The following EHMT1 variants were observed in gnomAD, a reference collection of about 807,000 sequenced individuals.
The protein encoded by EHMT1 is euchromatic histone lysine methyltransferase 1.
A neutral mutation model predicts 147.2 loss-of-function variants in EHMT1; 15 were observed. The ratio of observed to expected loss-of-function variants is 0.10; its 90% CI spans 0.07 to 0.16. The LOEUF is 0.16. EHMT1 is among the 10% of genes least tolerant of loss of function. The pLI, the probability that EHMT1 is intolerant of heterozygous loss-of-function variation, is 1.00. For missense variants in EHMT1, 1,587 were observed against 1,772.4 expected (o/e 0.90, Z 1.88); for synonymous variants, 795 against 709.6 (o/e 1.12, Z -1.91).
At position 137,816,080 on chromosome 9, in the gene EHMT1, G is replaced by T. The variant is rs1309212220; in HGVS notation, c.3374+18G>T. 5 of 1,597,830 alleles carry T rather than the reference G, an allele frequency of 3.1e-6. No homozygotes were observed. Among genetic ancestry groups the T allele is most frequent in the Non-Finnish European group, 4.3e-6 (5 of 1,171,482 alleles). ...GGTCTCAGGTGAGAGGCAGCTTCCT[G>T]CCGGAGCCCCACATTCTGCTCGTAT... is the stretch of plus-strand genomic sequence containing the variant. On this transcript the variant is annotated intron_variant, in intron 23 of 26. Transcript: ENST00000460843.
chr9:137,631,518 G>C (rs1188843008), intron 1 of EHMT1, among the ~76,000 whole-genome samples: 1 of 152,180 alleles, frequency 6.6e-6, no homozygotes, highest in African/African-American at 2.4e-5. Context: ...TGAATATACA[G>C]TCATGTGGCA....
chr9:137,811,184 T>C (rs1954453497), intron 18 of EHMT1, among the ~76,000 whole-genome samples: 1 of 152,190 alleles, frequency 6.6e-6, no homozygotes, highest in South Asian at 2.1e-4. Flanking sequence ...ACCTTTTCCC[T>C]ATTTTTATTC....
At chr9:137,653,052 A>G (rs1938038501) in intron 1 of EHMT1, among the ~76,000 whole-genome samples, 2 of 152,126 alleles carry the variant, frequency 1.3e-5, no homozygotes, top group African/African-American at 4.8e-5. Flanking sequence ...CTACGTGTAC[A>G]GTGTTTATAA....
At chr9:137,810,125 A>C (rs1404809245) in intron 18 of EHMT1, among the ~76,000 whole-genome samples, 1 of 125,776 alleles carries the variant, frequency 8.0e-6, no homozygotes, top group Non-Finnish European at 1.5e-5. Flanking sequence ...ATGGGTCCGG[A>C]GGCGGTTCCG....
intron 25 of EHMT1, among the ~76,000 whole-genome samples, chr9:137,830,168 A>T (rs1181450466): frequency 6.6e-6 from 1 of 151,998 alleles, no homozygotes; most frequent in Non-Finnish European, 1.5e-5. Context: ...TTAATGGTCA[A>T]ACTGCCCCAT....
At chr9:137,654,313 G>T (rs1938194013) in intron 1 of EHMT1, among the ~76,000 whole-genome samples, 2 of 151,836 alleles carry the variant, frequency 1.3e-5, no homozygotes, top group Admixed American at 1.3e-4. Context: ...GCCGTGAGCT[G>T]AGTTTACACC....
At position 137,716,638 on chromosome 9, in the gene EHMT1, C is replaced by T. The variant is rs1376776485; in HGVS notation, c.98C>T (p.Ala33Val). 1.3e-6 allele frequency: 2 copies of T among 1,569,630 alleles called. No individual in the cohort carries two copies. The highest frequency in any genetic ancestry group is 8.7e-7 in the Non-Finnish European group (1 of 1,155,732). The change falls in exon 3 of 27, where the codon GCT (alanine) becomes GTT (valine). Residue 33 changes from alanine to valine, a missense_variant. Ala to Val is a moderately conservative substitution (Grantham distance 64). Transcript: ENST00000460843. ...TELLGEETPM[A>V]ADEGSAEKQA... ...TCTTTGTTGGCAGAGACACCTATGG[C>T]TGCCGATGAAGGCTCAGCAGAGAAA...
At position 137,718,093 on chromosome 9, in the gene EHMT1, C is replaced by T. The variant is rs535397413; in HGVS notation, c.642+911C>T. Among the ~76,000 whole-genome samples, 18 of 137,606 alleles carry T rather than the reference C, an allele frequency of 1.3e-4. No homozygotes were observed. In the East Asian group the frequency reaches 2.0e-3, roughly 15 times the overall value. The allele number at this position is 137,606 out of a possible 152,430, so 90.3% of individuals were successfully genotyped here. On this transcript the variant is annotated intron_variant, in intron 3 of 26. Transcript: ENST00000460843. ...TGTGATGATTTTCACACACAGGGCG[C>T]GCCCGCCCCTCACGCACCGTGATGA...
intron 4 of EHMT1, among the ~76,000 whole-genome samples, chr9:137,736,716 C>A (rs886999997): frequency 6.6e-6 from 1 of 152,132 alleles, no homozygotes; most frequent in Non-Finnish European, 1.5e-5. Context: ...CATGGTGAAA[C>A]CCCATCTCTA....
At chr9:137,637,795 A>G (rs1359569946) in intron 1 of EHMT1, among the ~76,000 whole-genome samples, 3 of 152,234 alleles carry the variant, frequency 2.0e-5, no homozygotes, top group Admixed American at 6.5e-5. Context: ...CTGCGAAGCC[A>G]TCTGGATCTT....
chr9:137,736,483 T>C (rs1947540103), intron 4 of EHMT1, among the ~76,000 whole-genome samples: 1 of 152,206 alleles, frequency 6.6e-6, no homozygotes, highest in Admixed American at 6.5e-5. Context: ...TTAGCAGACA[T>C]ACAGAGCACT....
chr9:137,770,239 C>T lies in EHMT1; in HGVS notation c.1648-4870C>T, dbSNP rs547390270. Reference sequence around the variant, plus strand: ...TCCCACAGCTCTTCAATGCCCTCCTCTTTTTTTCTCCTTCCATTTTAGTTT... The same window carrying T: ...TCCCACAGCTCTTCAATGCCCTCCTTTTTTTTTCTCCTTCCATTTTAGTTT... On this transcript the variant is annotated intron_variant, in intron 10 of 26. Transcript: ENST00000460843. Among the ~76,000 whole-genome samples the T allele has an allele frequency of 6.8e-4, 103 of 152,292 alleles. 1 individual carries two copies. Among genetic ancestry groups the T allele is most frequent in the African/African-American group, 2.4e-3 (99 of 41,558 alleles).
intron 6 of EHMT1, among the ~76,000 whole-genome samples, chr9:137,751,752 C>T (rs576797035): frequency 1.3e-5 from 2 of 152,286 alleles, no homozygotes; most frequent in East Asian, 1.9e-4. Context: ...TGTTGAGTGT[C>T]CTGCCATCTG....
At chr9:137,773,003 A>G (rs751827626) in intron 10 of EHMT1, among the ~76,000 whole-genome samples, 1 of 152,080 alleles carries the variant, frequency 6.6e-6, no homozygotes, top group Non-Finnish European at 1.5e-5. Flanking sequence ...TCCTTCTTAC[A>G]CAGCACAGAG....
intron 1 of EHMT1, among the ~76,000 whole-genome samples, chr9:137,643,500 C>G (rs1844655001): frequency 6.6e-6 from 1 of 152,042 alleles, no homozygotes; most frequent in African/African-American, 2.4e-5. Flanking sequence ...AGGCACCTGC[C>G]ATCACGCCTG....
chr9:137,678,294 G>A (rs962077622), intron 1 of EHMT1, among the ~76,000 whole-genome samples: 2 of 152,134 alleles, frequency 1.3e-5, no homozygotes, highest in Non-Finnish European at 2.9e-5. Context: ...GAATGCTGTG[G>A]AAGTGGCACC....
At chr9:137,764,950 C>T (rs1950119094) in intron 10 of EHMT1, among the ~76,000 whole-genome samples, 1 of 152,188 alleles carries the variant, frequency 6.6e-6, no homozygotes, top group Non-Finnish European at 1.5e-5. Flanking sequence ...AAGTTAGATT[C>T]AAAGACTTGG....
intron 1 of EHMT1, among the ~76,000 whole-genome samples, chr9:137,631,745 G>A (rs1843644817): frequency 6.6e-6 from 1 of 152,130 alleles, no homozygotes; most frequent in South Asian, 2.1e-4. Context: ...GGGCATTGTG[G>A]TGTGTGCCTG....
chr9:137,743,230 C>A, intron 4 of EHMT1, 141 bp from the exon 5 acceptor site: 2 of 962,496 alleles, frequency 2.1e-6, no homozygotes, highest in South Asian at 1.6e-5. Context: ...TGATGACCTG[C>A]GGGCAGTGGG....
Sources: allele counts gnomAD v4.1 joint callset (sites outside exome capture counted in the v4.1 genomes callset), GRCh38; gene constraint gnomAD v4.1.1; transcripts MANE v1.5; gene names NCBI Gene and HGNC (gene_info 2026-07-23, HGNC 2026-07-21).